NBAS: variants seen among roughly 807,000 people sequenced by gnomAD.
The protein encoded by NBAS is NBAS subunit of NRZ tethering complex, also known as NAG/BC035112 fusion.
Under a neutral mutation model 302.5 loss-of-function variants are expected in NBAS, and 219 were observed. That is an observed-to-expected ratio of 0.72 (90% CI 0.65 to 0.81). The LOEUF (loss-of-function observed/expected upper bound fraction) is 0.81. Ranked by LOEUF, NBAS falls within the 30% of genes least tolerant of loss-of-function variation. The probability of loss-of-function intolerance (pLI) is 0.00; values close to 1 mark genes in which losing one functional copy is unlikely to be tolerated. For synonymous variants in NBAS, 1,118 were observed against 1,021.6 expected, an observed-to-expected ratio of 1.09 and a Z score of -1.80; for missense variants, 2,932 against 2,841.6, an observed-to-expected ratio of 1.03 and a Z score of -0.72.
chr2:15,211,574 A>AT (rs1281492553), intron 48 of NBAS, among the ~76,000 whole-genome samples: 3 of 152,008 alleles, frequency 2.0e-5, no homozygotes, highest in East Asian at 3.9e-4. Context: ...TTTCGTGACA[A>AT]TTTTTTTTCC....
At chr2:14,839,264 A>C in the NBAS span, among the ~76,000 whole-genome samples, 4 of 152,144 alleles carry the variant, frequency 2.6e-5, no homozygotes, top group Middle Eastern at 3.4e-3. Context: ...CCCTCTGCCC[A>C]ATCTATCTGG....
the NBAS span, among the ~76,000 whole-genome samples, chr2:14,856,259 G>A: frequency 1.3e-5 from 2 of 152,054 alleles, no homozygotes; most frequent in Non-Finnish European, 2.9e-5. Flanking sequence ...GTCCCCTAAA[G>A]CAAATACAGC....
At chr2:15,147,853 C>T in the NBAS span, among the ~76,000 whole-genome samples, 1 of 151,250 alleles carries the variant, frequency 6.6e-6, no homozygotes, top group Admixed American at 6.6e-5. Flanking sequence ...TTTCCTGGGT[C>T]TCCTGTCGAG....
At chr2:15,033,854 G>C in the NBAS span, among the ~76,000 whole-genome samples, 121,969 of 151,730 alleles carry the variant, frequency 0.8, 49,560 homozygotes, top group East Asian at 1. Flanking sequence ...AGGCTACAGT[G>C]TGATGACGGC....
chr2:15,374,840 G>T, intron 30 of NBAS, 120 bp from the exon 31 acceptor site: 1 of 830,070 alleles, frequency 1.2e-6, no homozygotes, highest in Non-Finnish European at 2.0e-6. Flanking sequence ...AATTCATTCC[G>T]CTGGATGCCT....
At chr2:15,101,878 C>T in the NBAS span, among the ~76,000 whole-genome samples, 9 of 152,226 alleles carry the variant, frequency 5.9e-5, no homozygotes, top group East Asian at 1.9e-4. Flanking sequence ...AGGGATGCTC[C>T]GCATTTCCCC....
chr2:15,067,248 T>C, the NBAS span, among the ~76,000 whole-genome samples: 75,980 of 148,536 alleles, frequency 0.51, 21,673 homozygotes, highest in Middle Eastern at 0.64. Context: ...AGGAGGCTGA[T>C]GGGGGAGGAT....
chr2:15,481,326 T>C (rs1043659290), intron 12 of NBAS, among the ~76,000 whole-genome samples: 24 of 152,266 alleles, frequency 1.6e-4, no homozygotes, highest in African/African-American at 5.5e-4. Context: ...GTGTGAGCCA[T>C]TGAAAATTTG....
the NBAS span, among the ~76,000 whole-genome samples, chr2:14,846,378 A>C: frequency 6.6e-6 from 1 of 152,040 alleles, no homozygotes; most frequent in African/African-American, 2.4e-5. Flanking sequence ...CCAGACAGAC[A>C]AAAGCTGAGG....
chr2:14,848,262 C>G, the NBAS span, among the ~76,000 whole-genome samples: 7 of 150,376 alleles, frequency 4.7e-5, no homozygotes, highest in African/African-American at 1.8e-4. Context: ...ATTGCCTCAC[C>G]TGGGAAGCGC....
intron 51 of NBAS, chr2:15,178,002 G>C: frequency 2.9e-6 from 1 of 345,500 alleles, no homozygotes; most frequent in South Asian, 2.5e-5. Flanking sequence ...ATTATATTCT[G>C]CTTTCTGTAA....
chr2:15,039,861 C>T, the NBAS span, among the ~76,000 whole-genome samples: 4 of 152,194 alleles, frequency 2.6e-5, no homozygotes, highest in African/African-American at 9.6e-5. Flanking sequence ...GGTGCCTCCT[C>T]CAAGCTCTGC....
the NBAS span, among the ~76,000 whole-genome samples, chr2:14,862,428 T>C: frequency 2.0e-5 from 3 of 152,166 alleles, no homozygotes; most frequent in South Asian, 2.1e-4. Context: ...ATTTAAACAA[T>C]TTTTAATGAA....
At chr2:15,371,123 A>C (rs950755685) in intron 31 of NBAS, among the ~76,000 whole-genome samples, 3 of 152,138 alleles carry the variant, frequency 2.0e-5, no homozygotes, top group Non-Finnish European at 4.4e-5. Context: ...GTGAGTTCTC[A>C]CTAGGACTGA....
chr2:14,877,813 C>T, the NBAS span, among the ~76,000 whole-genome samples: 199 of 152,238 alleles, frequency 1.3e-3, no homozygotes, highest in Non-Finnish European at 2.2e-3. Flanking sequence ...GGCCTCCAGC[C>T]GCAAGATATG....
chr2:14,930,378 T>C, the NBAS span, among the ~76,000 whole-genome samples: 9 of 152,340 alleles, frequency 5.9e-5, no homozygotes, highest in Admixed American at 1.3e-4. Context: ...AAGCATGGAA[T>C]AGGATGAGCA....
At chr2:14,980,968 G>A in the NBAS span, among the ~76,000 whole-genome samples, 1 of 151,084 alleles carries the variant, frequency 6.6e-6, no homozygotes, top group East Asian at 1.9e-4. Context: ...TTAGAAAGTA[G>A]ATCTAAAAGA....
At position 15,356,365 on chromosome 2, in the gene NBAS, T is replaced by C. The variant is rs1673621718; in HGVS notation, c.3869A>G (p.Gln1290Arg). ...RGQVLILLVE[Q>R]ALRFHDYKAA... ...TTTGTAGTCATGGAAGCGAAGTGCC[T>C]GCTCCACTAAAAGGATTAGAACCTG... is the stretch of plus-strand genomic sequence containing the variant. The change falls in exon 33 of 52, where the codon CAG (glutamine) becomes CGG (arginine). Residue 1290 changes from glutamine (Q) to arginine (R), a missense_variant. Physicochemically the swap from Gln to Arg is conservative, Grantham distance 43. Coordinates refer to ENST00000281513, the MANE Select transcript of NBAS (RefSeq NM_015909.4). 1 of 1,613,930 alleles carries C rather than the reference T, an allele frequency of 6.2e-7. No homozygotes were observed. Among genetic ancestry groups the C allele is most frequent in the South Asian group, 1.1e-5 (1 of 91,084 alleles).
chr2:14,913,857 C>T, the NBAS span, among the ~76,000 whole-genome samples: 1 of 152,112 alleles, frequency 6.6e-6, no homozygotes, highest in African/African-American at 2.4e-5. Context: ...CTATTCATCC[C>T]ATTGGTGATG....
Sources: allele counts gnomAD v4.1 joint callset (sites outside exome capture counted in the v4.1 genomes callset), GRCh38; gene constraint gnomAD v4.1.1; transcripts MANE v1.5; gene names NCBI Gene and HGNC (gene_info 2026-07-23, HGNC 2026-07-21).